CHD1L: variants seen among roughly 807,000 people sequenced by gnomAD.
CHD1L encodes chromodomain helicase DNA binding protein 1 like.
CHD1L carries 118 observed loss-of-function variants against 115.9 expected under a neutral mutation model. The observed-to-expected ratio is 1.02, with a 90% CI of 0.88 to 1.19. The LOEUF (loss-of-function observed/expected upper bound fraction) is 1.19, where lower values mean the gene tolerates loss of function less well. CHD1L is among the 50% of genes most tolerant of loss of function. The pLI, the probability that CHD1L is intolerant of heterozygous loss-of-function variation, is 0.00. For missense variants in CHD1L, 1,179 were observed against 1,065.3 expected (o/e 1.11, Z -1.49); for synonymous variants, 411 against 387.1 (o/e 1.06, Z -0.72).
chr1:147,268,932 CTA>C, intron 10 of CHD1L, 54 bp downstream of exon 10: 1 of 1,387,316 alleles, frequency 7.2e-7, no homozygotes, highest in East Asian at 2.3e-5. Context: ...TAAAACCTGA[CTA>C]TTGAGGAACT....
chr1:147,274,644 G>A (rs1677614959), intron 12 of CHD1L, among the ~76,000 whole-genome samples: 1 of 152,004 alleles, frequency 6.6e-6, no homozygotes, highest in African/African-American at 2.4e-5. Context: ...TGTAACTCAA[G>A]GTACCTCCTC....
At chr1:147,259,970 T>C (rs1553942950) in intron 6 of CHD1L, 52 bp downstream of exon 6, 4 of 1,334,128 alleles carry the variant, frequency 3.0e-6, no homozygotes, top group South Asian at 1.3e-5. Context: ...TTTTTAAATA[T>C]ACATTATATT....
At chr1:147,210,376 T>C in the CHD1L span, 1 of 152,242 alleles carries the variant, frequency 6.6e-6, no homozygotes, top group Non-Finnish European at 1.5e-5. Context: ...GAATCACTTT[T>C]CCTACACTAT....
the CHD1L span, chr1:147,204,254 T>C: frequency 8.7e-7 from 1 of 1,144,386 alleles, no homozygotes; most frequent in Non-Finnish European, 1.3e-6. Context: ...TCACCTTCTG[T>C]TTCCTTCTTA....
the CHD1L span, among the ~76,000 whole-genome samples, chr1:147,214,297 C>G: frequency 6.6e-6 from 1 of 151,954 alleles, no homozygotes; most frequent in Non-Finnish European, 1.5e-5. Flanking sequence ...ACTACAAATA[C>G]AAAAATTAGT....
At chr1:147,290,464 T>G (rs973841017) in intron 19 of CHD1L, among the ~76,000 whole-genome samples, 3 of 152,134 alleles carry the variant, frequency 2.0e-5, no homozygotes, top group African/African-American at 7.2e-5. Flanking sequence ...TTAGTAAGGG[T>G]GGCACCACGC....
At chr1:147,204,903 G>C in the CHD1L span, 5 of 1,580,820 alleles carry the variant, frequency 3.2e-6, no homozygotes, top group Non-Finnish European at 4.3e-6. Context: ...TCTGGGCGAA[G>C]CCCGGAGCCT....
chr1:147,238,722 A>G (rs1284459152), upstream of CHD1L, among the ~76,000 whole-genome samples: 1 of 152,192 alleles, frequency 6.6e-6, no homozygotes, highest in Non-Finnish European at 1.5e-5. Flanking sequence ...TAACAATCAT[A>G]TGCCCTAGAT....
At chr1:147,263,165 C>T (rs1245392586) in intron 6 of CHD1L, among the ~76,000 whole-genome samples, 1 of 152,056 alleles carries the variant, frequency 6.6e-6, no homozygotes, top group Non-Finnish European at 1.5e-5. Flanking sequence ...TACAGGCTCA[C>T]ACCTGTAATC....
At chr1:147,184,463 C>A in the CHD1L span, 1 of 1,403,334 alleles carries the variant, frequency 7.1e-7, no homozygotes, top group Non-Finnish European at 9.3e-7. This position sits in a 1 kb window ranked among gnomAD's most constrained non-coding sequence, Gnocchi z 4.4. Flanking sequence ...TGCAGGAGTC[C>A]ATCCAGGATA....
chr1:147,198,428 C>A, the CHD1L span, among the ~76,000 whole-genome samples: 1 of 152,032 alleles, frequency 6.6e-6, no homozygotes, highest in Non-Finnish European at 1.5e-5. Flanking sequence ...AAAAGGAGGG[C>A]ATATCAAGAA....
chr1:147,236,089 C>T, the CHD1L span, among the ~76,000 whole-genome samples: 1 of 152,192 alleles, frequency 6.6e-6, no homozygotes, highest in East Asian at 1.9e-4. Context: ...TGTGGCAAGG[C>T]AGGCAGCTCC....
chr1:147,260,039 A>G (rs902322570), intron 6 of CHD1L, 121 bp downstream of exon 6: 3 of 712,894 alleles, frequency 4.2e-6, no homozygotes, highest in Non-Finnish European at 6.9e-6. Flanking sequence ...TTTCCCATGC[A>G]TATGTCCCCA....
chr1:147,231,305 A>G, the CHD1L span, among the ~76,000 whole-genome samples: 6 of 152,266 alleles, frequency 3.9e-5, no homozygotes, highest in African/African-American at 1.4e-4. Context: ...GTTTCCATGT[A>G]GTGGAGCGGT....
At chr1:147,248,400 G>T (rs1553934768) in intron 1 of CHD1L, among the ~76,000 whole-genome samples, 1 of 151,992 alleles carries the variant, frequency 6.6e-6, no homozygotes, top group Non-Finnish European at 1.5e-5. Context: ...TAGAGACGGG[G>T]TTTCTCCATG....
chr1:147,283,940 A>C (rs1681984822), intron 15 of CHD1L, among the ~76,000 whole-genome samples: 1 of 152,194 alleles, frequency 6.6e-6, no homozygotes, highest in Admixed American at 6.5e-5. Flanking sequence ...GTGATTCTTC[A>C]TTTTCTCATA....
intron 1 of CHD1L, among the ~76,000 whole-genome samples, chr1:147,245,068 T>G (rs782315579): frequency 2.1e-4 from 32 of 152,208 alleles, no homozygotes; most frequent in Admixed American, 5.9e-4. Context: ...CCTTAGGACC[T>G]TTTTGTTTCT....
At chr1:147,185,842 T>C in the CHD1L span, among the ~76,000 whole-genome samples, 1 of 152,352 alleles carries the variant, frequency 6.6e-6, no homozygotes, top group Non-Finnish European at 1.5e-5. Flanking sequence ...TCAGTGGCAC[T>C]GGGATGTAAA....
At chr1:147,277,163 G>C (rs1351505215) in intron 14 of CHD1L, among the ~76,000 whole-genome samples, 1 of 152,154 alleles carries the variant, frequency 6.6e-6, no homozygotes, top group Non-Finnish European at 1.5e-5. Flanking sequence ...GAGAATTTAG[G>C]CTTTAGTCAG....
Sources: allele counts gnomAD v4.1 joint callset (sites outside exome capture counted in the v4.1 genomes callset), GRCh38; gene constraint gnomAD v4.1.1; non-coding constraint Gnocchi (gnomAD v3.1); transcripts MANE v1.5; gene names NCBI Gene and HGNC (gene_info 2026-07-23, HGNC 2026-07-21).